Variants in DGCR2 observed in about 807,000 individuals in gnomAD.
DGCR2 encodes DiGeorge syndrome critical region gene 2, also known as integral membrane protein DGCR2/IDD.
In DGCR2, 24 loss-of-function variants were observed where a neutral mutation model predicts 51.6. The observed-to-expected ratio is 0.47, with a 90% CI of 0.34 to 0.65. The LOEUF (loss-of-function observed/expected upper bound fraction) is 0.65, where lower values mean the gene tolerates loss of function less well. Ranked by LOEUF, DGCR2 falls within the 30% of genes least tolerant of loss-of-function variation. The probability of loss-of-function intolerance (pLI) is 0.01; values close to 1 mark genes in which losing one functional copy is unlikely to be tolerated. For missense variants in DGCR2, 765 were observed against 772.1 expected (o/e 0.99, Z 0.11); for synonymous variants, 340 against 315.4 (o/e 1.08, Z -0.82).
chr22:19,046,800 G>C (rs1243976977), intron 7 of DGCR2: 1 of 427,796 alleles, frequency 2.3e-6, no homozygotes, highest in Non-Finnish European at 4.8e-6. Flanking sequence ...GGCCCACCCA[G>C]ATGCACTAAG....
chr22:19,065,403 T>C (rs1172652894), intron 3 of DGCR2, among the ~76,000 whole-genome samples: 1 of 152,190 alleles, frequency 6.6e-6, no homozygotes, highest in African/African-American at 2.4e-5. Context: ...CCCATGCAGT[T>C]CACTTTGGGC....
intron 1 of DGCR2, among the ~76,000 whole-genome samples, chr22:19,090,006 GAAA>G (rs2083061077): frequency 6.6e-6 from 1 of 152,208 alleles, no homozygotes; most frequent in Non-Finnish European, 1.5e-5. Flanking sequence ...CTGCAAAGCT[GAAA>G]ACATTTAATG....
chr22:19,097,479 G>T (rs926945108), intron 1 of DGCR2, among the ~76,000 whole-genome samples: 1 of 152,136 alleles, frequency 6.6e-6, no homozygotes, highest in Admixed American at 6.5e-5. Context: ...TCGAATCCGG[G>T]AGGCGGAAGC....
At chr22:19,076,542 G>T (rs982761072) in intron 2 of DGCR2, among the ~76,000 whole-genome samples, 3 of 152,002 alleles carry the variant, frequency 2.0e-5, no homozygotes, top group Admixed American at 1.3e-4. Context: ...TAACAACACC[G>T]CAGAGGGATT....
chr22:19,066,465 A>C (rs530997683), intron 3 of DGCR2, among the ~76,000 whole-genome samples: 38 of 152,324 alleles, frequency 2.5e-4, no homozygotes, highest in African/African-American at 8.9e-4. Flanking sequence ...AAAAAATGTC[A>C]AGGCATCAGC....
intron 7 of DGCR2, chr22:19,046,749 G>A (rs991537998): frequency 2.2e-6 from 1 of 445,844 alleles, no homozygotes; most frequent in African/African-American, 2.0e-5. Flanking sequence ...GCCCAGCTAA[G>A]TCGCTCTGGC....
At chr22:19,082,089 T>TCA (rs1481523338) in intron 2 of DGCR2, among the ~76,000 whole-genome samples, 6 of 149,528 alleles carry the variant, frequency 4.0e-5, no homozygotes, top group African/African-American at 1.2e-4. Flanking sequence ...AAACAGGGTC[T>TCA]CACTCTGATG....
At chr22:19,112,291 A>C (rs1296414308) in intron 1 of DGCR2, among the ~76,000 whole-genome samples, 3 of 149,810 alleles carry the variant, frequency 2.0e-5, no homozygotes, top group Non-Finnish European at 4.5e-5. Context: ...AAAAAAAAAA[A>C]ACCTAGGAAA....
At chr22:19,099,317 C>T (rs1340061697) in intron 1 of DGCR2, among the ~76,000 whole-genome samples, 5 of 152,212 alleles carry the variant, frequency 3.3e-5, no homozygotes, top group South Asian at 2.1e-4. Context: ...TGGTGACTCA[C>T]GCCTGTTACC....
chr22:19,074,078 ATATGAATCTACAG>A (rs1156906287), intron 2 of DGCR2, among the ~76,000 whole-genome samples: 1 of 152,206 alleles, frequency 6.6e-6, no homozygotes, highest in Non-Finnish European at 1.5e-5. Context: ...GAAAAGATAT[ATATGAATCTACAG>A]GATTCACACC....
At chr22:19,041,743 GGA>G in intron 8 of DGCR2, 62 bp downstream of exon 8, 1 of 1,554,846 alleles carries the variant, frequency 6.4e-7, no homozygotes, top group Non-Finnish European at 8.7e-7. Flanking sequence ...GGGAGCTCAT[GGA>G]GACATGGGGT....
intron 2 of DGCR2, among the ~76,000 whole-genome samples, chr22:19,079,599 G>A (rs1391628714): frequency 4.6e-5 from 7 of 152,210 alleles, no homozygotes; most frequent in Non-Finnish European, 2.9e-5. Flanking sequence ...AGGGATTACT[G>A]TGTGCTACAT....
chr22:19,074,055 A>G (rs1021920308), intron 2 of DGCR2, among the ~76,000 whole-genome samples: 2 of 152,226 alleles, frequency 1.3e-5, no homozygotes, highest in Admixed American at 6.5e-5. Flanking sequence ...AGAGACTTCT[A>G]GGTACTTAAA....
chr22:19,102,430 T>C (rs892744558), intron 1 of DGCR2, among the ~76,000 whole-genome samples: 2 of 152,164 alleles, frequency 1.3e-5, no homozygotes, highest in African/African-American at 2.4e-5. Flanking sequence ...GGGCCGGGCG[T>C]GGTGGCTCAC....
intron 6 of DGCR2, among the ~76,000 whole-genome samples, chr22:19,055,049 G>A (rs2146322027): frequency 6.6e-6 from 1 of 152,314 alleles, no homozygotes; most frequent in African/African-American, 2.4e-5. Flanking sequence ...CCGGGAGGCA[G>A]AGGTTACAGT....
intron 3 of DGCR2, among the ~76,000 whole-genome samples, chr22:19,067,249 G>A (rs1485628982): frequency 1.3e-5 from 2 of 152,224 alleles, no homozygotes; most frequent in Non-Finnish European, 2.9e-5. Flanking sequence ...CCGCTGCTCA[G>A]CGTACTTGGG....
chr22:19,079,969 C>T (rs560948719), intron 2 of DGCR2, among the ~76,000 whole-genome samples: 6 of 152,338 alleles, frequency 3.9e-5, no homozygotes, highest in Admixed American at 3.9e-4. Flanking sequence ...TCTAGTGAGC[C>T]TAGTGGGCTA....
intron 2 of DGCR2, among the ~76,000 whole-genome samples, chr22:19,086,482 T>TA (rs947516600): frequency 7.5e-5 from 11 of 146,312 alleles, no homozygotes; most frequent in South Asian, 2.2e-4. Flanking sequence ...CCATCTCAAA[T>TA]AAAAAAAAAA....
At chr22:19,115,419 C>T (rs2083363642) in intron 1 of DGCR2, among the ~76,000 whole-genome samples, 1 of 152,180 alleles carries the variant, frequency 6.6e-6, no homozygotes, top group African/African-American at 2.4e-5. Context: ...CAAGCTCCTA[C>T]CAGGGTGGGG....
Sources: gnomAD v4.1 joint callset for allele counts (sites outside exome capture counted in the v4.1 genomes callset) on GRCh38, gnomAD v4.1.1 for gene constraint, MANE v1.5 for transcripts, NCBI Gene and HGNC (gene_info 2026-07-23, HGNC 2026-07-21) for gene names.